CNTLN: variants seen among roughly 807,000 people sequenced by gnomAD.
CNTLN encodes centlein, centrosomal protein.
Under a neutral mutation model 180.0 loss-of-function variants are expected in CNTLN, and 212 were observed. The observed-to-expected ratio is 1.18, with a 90% CI of 1.05 to 1.32. The LOEUF (loss-of-function observed/expected upper bound fraction) is 1.32, where lower values mean the gene tolerates loss of function less well. Ranked by LOEUF, CNTLN falls within the 40% of genes most tolerant of loss-of-function variation. The pLI, the probability that CNTLN is intolerant of heterozygous loss-of-function variation, is 0.00. For synonymous variants in CNTLN, 722 were observed against 563.1 expected, an observed-to-expected ratio of 1.28 and a Z score of -3.99; for missense variants, 2,095 against 1,610.9, an observed-to-expected ratio of 1.30 and a Z score of -5.14.
At chr9:17,292,472 C>G (rs1004297896) in intron 6 of CNTLN, among the ~76,000 whole-genome samples, 21 of 152,118 alleles carry the variant, frequency 1.4e-4, no homozygotes, top group African/African-American at 5.1e-4. Flanking sequence ...TTTACATAAT[C>G]CCAAAGTTCA....
intron 6 of CNTLN, among the ~76,000 whole-genome samples, chr9:17,297,189 C>T (rs599626): frequency 0.2 from 30,302 of 151,944 alleles, 3,736 homozygotes; most frequent in African/African-American, 0.34. Flanking sequence ...TACAGTATAA[C>T]ATTATTTGCA....
intron 18 of CNTLN, among the ~76,000 whole-genome samples, chr9:17,429,269 C>A (rs1352157515): frequency 3.3e-5 from 5 of 151,984 alleles, no homozygotes; most frequent in Non-Finnish European, 5.9e-5. Context: ...TTAGCTGTAA[C>A]AGAAGTTCCT....
At chr9:17,230,921 A>G (rs1406711939) in intron 3 of CNTLN, among the ~76,000 whole-genome samples, 1 of 152,074 alleles carries the variant, frequency 6.6e-6, no homozygotes, top group Non-Finnish European at 1.5e-5. Context: ...TAATTCATTA[A>G]TTACAGAATA....
chr9:17,422,333 T>C (rs1488327899), intron 18 of CNTLN, among the ~76,000 whole-genome samples: 1 of 152,126 alleles, frequency 6.6e-6, no homozygotes, highest in Non-Finnish European at 1.5e-5. Flanking sequence ...CTTTGGGATT[T>C]TGATTATTAA....
intron 6 of CNTLN, among the ~76,000 whole-genome samples, chr9:17,294,426 G>A (rs1277133664): frequency 9.1e-6 from 1 of 110,400 alleles, no homozygotes; most frequent in African/African-American, 4.6e-5. Context: ...AGTTCTCCAA[G>A]TCCCACTAGA....
intron 5 of CNTLN, among the ~76,000 whole-genome samples, chr9:17,238,779 A>T (rs923672556): frequency 6.6e-6 from 1 of 152,186 alleles, no homozygotes; most frequent in Non-Finnish European, 1.5e-5. Flanking sequence ...AGGAAAAGAT[A>T]CTACTTTTTA....
At chr9:17,209,088 C>A (rs1443353586) in intron 2 of CNTLN, among the ~76,000 whole-genome samples, 1 of 151,956 alleles carries the variant, frequency 6.6e-6, no homozygotes, top group Non-Finnish European at 1.5e-5. Flanking sequence ...TATAAACTTT[C>A]CTGTTAGTAC....
At chr9:17,476,254 G>T (rs868603307) in intron 23 of CNTLN, among the ~76,000 whole-genome samples, 4 of 151,998 alleles carry the variant, frequency 2.6e-5, no homozygotes, top group African/African-American at 9.7e-5. Context: ...TGACTGTTCC[G>T]CCCAACTGTC....
At chr9:17,219,891 C>T (rs1343276324) in intron 2 of CNTLN, among the ~76,000 whole-genome samples, 1 of 152,042 alleles carries the variant, frequency 6.6e-6, no homozygotes, top group East Asian at 1.9e-4. Flanking sequence ...ACCGAGAGAT[C>T]TTCTCTCTAG....
At chr9:17,359,909 T>A (rs1057478980) in intron 12 of CNTLN, among the ~76,000 whole-genome samples, 17 of 150,730 alleles carry the variant, frequency 1.1e-4, no homozygotes, top group Admixed American at 6.6e-4. Flanking sequence ...AAAAAAAAAA[T>A]AATAATAAAA....
chr9:17,396,064 C>A (rs1826496153), intron 15 of CNTLN, among the ~76,000 whole-genome samples: 1 of 152,184 alleles, frequency 6.6e-6, no homozygotes, highest in Admixed American at 6.5e-5. Flanking sequence ...TACACTCGCA[C>A]CAGCGCCATG....
rs940655842 is a variant in CNTLN at position 17,266,148 on chromosome 9, T to G, written c.850-7585T>G. 7.7e-5 allele frequency among the ~76,000 whole-genome samples: 8 copies of G among 104,438 alleles called. 1 individual carries two copies. The highest frequency in any genetic ancestry group is 5.5e-5 in the Non-Finnish European group (3 of 54,372). The allele number at this position is 104,438 out of a possible 152,430, so 68.5% of individuals were successfully genotyped here. A position where few individuals can be genotyped will look rare whatever the true frequency, so the allele number is the denominator to read the frequency against. Reference sequence around the variant, plus strand: ...GTGAAGTTAGGGTGTCAGTTTTGGATCTTCCTGCTTTCTCTTTTGGGCATT... The same window carrying G: ...GTGAAGTTAGGGTGTCAGTTTTGGAGCTTCCTGCTTTCTCTTTTGGGCATT... On this transcript the variant is annotated intron_variant, in intron 5 of 25. Transcript: ENST00000380647.
chr9:17,313,397 C>A (rs1364100167), intron 8 of CNTLN, among the ~76,000 whole-genome samples: 1 of 150,156 alleles, frequency 6.7e-6, no homozygotes, highest in African/African-American at 2.4e-5. Context: ...TTCTTCCTTC[C>A]TTTTGGATTA....
intron 2 of CNTLN, among the ~76,000 whole-genome samples, chr9:17,215,037 C>T (rs760868256): frequency 6.6e-6 from 1 of 152,158 alleles, no homozygotes; most frequent in South Asian, 2.1e-4. Context: ...TTGTCTGAAG[C>T]CTTCTTTTCT....
rs777939995 is a variant in CNTLN, at chr9:17,394,661, C to T, written c.2207C>T (p.Thr736Ile). 1.9e-6 allele frequency: 3 copies of T among 1,612,370 alleles called. No individual in the cohort carries two copies. The South Asian group carries it at 3.3e-5, about 18-fold the overall frequency. Residue 736 changes from threonine to isoleucine, a missense_variant, in exon 15 of 26, where the codon ACA (threonine) becomes ATA (isoleucine). Physicochemically the swap from Thr to Ile is moderately conservative, Grantham distance 89. Transcript: ENST00000380647. ...CTCTTAAAACAGCAACAAGAAGATA[C>T]AGAGACCAGAGAAAAAGAGCTAGAA... Reference protein sequence around the residue: ...KSLLKQQQEDTETREKELEQI... With the variant: ...KSLLKQQQEDIETREKELEQI...
At chr9:17,221,650 G>A (rs1824142851) in intron 2 of CNTLN, among the ~76,000 whole-genome samples, 2 of 152,032 alleles carry the variant, frequency 1.3e-5, no homozygotes, top group South Asian at 4.1e-4. Flanking sequence ...TGATGACAAT[G>A]ATCTTGTATA....
chr9:17,369,310 A>C (rs1824109304), intron 13 of CNTLN, among the ~76,000 whole-genome samples: 2 of 152,052 alleles, frequency 1.3e-5, no homozygotes, highest in African/African-American at 4.8e-5. Flanking sequence ...AGCCATGCTG[A>C]GTTGTGAGTC....
chr9:17,431,779 G>C (rs779840359), intron 18 of CNTLN, among the ~76,000 whole-genome samples: 1 of 152,140 alleles, frequency 6.6e-6, no homozygotes, highest in Non-Finnish European at 1.5e-5. Flanking sequence ...ATGTGTAGAA[G>C]ATTAAGATCT....
intron 15 of CNTLN, among the ~76,000 whole-genome samples, chr9:17,403,244 A>G (rs1827122898): frequency 6.6e-6 from 1 of 151,748 alleles, no homozygotes; most frequent in South Asian, 2.1e-4. Context: ...CAGCTATCTG[A>G]GGGCTTGCTT....
Sources: gnomAD v4.1 joint callset for allele counts (sites outside exome capture counted in the v4.1 genomes callset) on GRCh38, gnomAD v4.1.1 for gene constraint, MANE v1.5 for transcripts, NCBI Gene and HGNC (gene_info 2026-07-23, HGNC 2026-07-21) for gene names.